The following ZC3H13 variants were observed in gnomAD, a reference collection of about 807,000 sequenced individuals.
The protein encoded by ZC3H13 is zinc finger CCCH domain-containing protein 13.
ZC3H13 carries 64 observed loss-of-function variants against 204.1 expected under a neutral mutation model. The ratio of observed to expected loss-of-function variants is 0.31; its 90% confidence interval spans 0.26 to 0.39. ZC3H13 has a LOEUF of 0.39. Ranked by LOEUF, ZC3H13 falls within the 10% of genes least tolerant of loss-of-function variation. The pLI is 1.00. For missense variants in ZC3H13, 1,833 were observed against 2,082.7 expected, an observed-to-expected ratio of 0.88 and a Z score of 2.33; for synonymous variants, 667 against 693.7, an observed-to-expected ratio of 0.96 and a Z score of 0.60.
chr13:46,050,848 A>G (rs1004855730), intron 1 of ZC3H13, among the ~76,000 whole-genome samples: 5 of 152,006 alleles, frequency 3.3e-5, no homozygotes, highest in African/African-American at 1.2e-4. Context: ...AAAACATCCC[A>G]TGCTGGTAGC....
chr13:46,043,834 TTC>T (rs1338489002), intron 3 of ZC3H13, among the ~76,000 whole-genome samples: 2 of 151,996 alleles, frequency 1.3e-5, no homozygotes, highest in Non-Finnish European at 2.9e-5. Flanking sequence ...TGAATAAAAA[TTC>T]TGAGTCAGCT....
intron 12 of ZC3H13, among the ~76,000 whole-genome samples, chr13:45,973,853 G>T (rs1396547308): frequency 2.0e-5 from 3 of 152,148 alleles, no homozygotes; most frequent in African/African-American, 4.8e-5. Flanking sequence ...GTTCAGGTAA[G>T]ATTTTTCAAA....
chr13:45,968,762 C>T lies in ZC3H13; in HGVS notation c.3782G>A (p.Arg1261Gln), dbSNP rs375011338. The T allele has an allele frequency of 1.9e-5, 30 of 1,589,664 alleles. No individual in the cohort carries two copies. Among genetic ancestry groups the T allele is most frequent in the South Asian group, 2.3e-5 (2 of 86,698 alleles). Residue 1261 changes from arginine (R) to glutamine (Q), a missense_variant, in exon 14 of 19, where the codon CGA (arginine) becomes CAA (glutamine). This residue lies in a region of ZC3H13 where 1,574 missense variants were observed against 1,757.2 expected (regional missense o/e 0.90). Coordinates refer to ENST00000679008, the MANE Select transcript of ZC3H13 (RefSeq NM_001330564.2). ...AATTTTATTACCTGAAGAAGTACTT[C>T]GACTGGGTTCTCCACGCTTTAACTG... ...IDQLKRGEPS[R>Q]STSSDRQDSR...
At position 45,968,004 on chromosome 13, in the gene ZC3H13, C is replaced by T. The variant is rs1229970203; in HGVS notation, c.3821G>A (p.Ser1274Asn). 1 of 1,601,176 alleles carries T rather than the reference C, an allele frequency of 6.2e-7. No homozygotes were observed. The highest frequency in any genetic ancestry group is 8.5e-7 in the Non-Finnish European group (1 of 1,175,780). The change falls in exon 15 of 19, where the codon AGT becomes AAT. Residue 1274 changes from serine (S) to asparagine (N), a missense_variant. Coordinates refer to ENST00000679008, the MANE Select transcript of ZC3H13 (RefSeq NM_001330564.2). ...SSDRQDSRSH[S>N]SRRSSPESDR... ...TGACTCTGGAGAACTTCTTCTTGAA[C>T]TATGGCTTCTTGAATCCTGGCGATC...
chr13:46,049,453 T>C (rs990603996), intron 1 of ZC3H13, among the ~76,000 whole-genome samples: 6 of 152,216 alleles, frequency 3.9e-5, no homozygotes, highest in Non-Finnish European at 7.3e-5. Flanking sequence ...CTTCCACAAG[T>C]AGTCAACAAT....
intron 15 of ZC3H13, 54 bp from the exon 16 acceptor site, chr13:45,965,486 C>T (rs1952006228): frequency 6.3e-7 from 1 of 1,582,854 alleles, no homozygotes; most frequent in Non-Finnish European, 8.6e-7. Context: ...GAGAGGATGA[C>T]TAAGTCAAAC....
intron 5 of ZC3H13, among the ~76,000 whole-genome samples, chr13:46,017,338 T>C (rs1417755261): frequency 5.3e-5 from 8 of 152,216 alleles, no homozygotes; most frequent in Non-Finnish European, 8.8e-5. Flanking sequence ...CCTGGTGTAC[T>C]CATTCTCCCA....
At chr13:45,974,714 C>A (rs1473679253) in intron 12 of ZC3H13, among the ~76,000 whole-genome samples, 3 of 152,130 alleles carry the variant, frequency 2.0e-5, no homozygotes, top group African/African-American at 7.2e-5. Flanking sequence ...TCCATAATTA[C>A]AAGCACATAA....
At chr13:46,035,367 T>C (rs897079802) in intron 4 of ZC3H13, among the ~76,000 whole-genome samples, 3 of 152,228 alleles carry the variant, frequency 2.0e-5, no homozygotes, top group Non-Finnish European at 4.4e-5. Flanking sequence ...ACATAATAAA[T>C]GGTTGTTTTA....
chr13:46,049,724 T>A (rs2044266795), intron 1 of ZC3H13, among the ~76,000 whole-genome samples: 1 of 152,170 alleles, frequency 6.6e-6, no homozygotes, highest in Non-Finnish European at 1.5e-5. Flanking sequence ...ACAGTTAAAA[T>A]GTAGATTTTC....
chr13:46,041,983 G>T (rs1459369057), intron 4 of ZC3H13, among the ~76,000 whole-genome samples, 181 bp downstream of exon 4: 6 of 151,974 alleles, frequency 3.9e-5, no homozygotes, highest in Non-Finnish European at 8.8e-5. Flanking sequence ...CTACCATAAA[G>T]AACTGAACCA....
chr13:45,983,401 T>TTATATATATATATATATA lies in ZC3H13; in HGVS notation c.1720+1895_1720+1896insTATATATATATATATATA, dbSNP rs1555277662. Among the ~76,000 whole-genome samples, 45 of 35,480 alleles carry TTATATATATATATATATA rather than the reference T, an allele frequency of 1.3e-3. 5 individuals are homozygous for TTATATATATATATATATA. Among genetic ancestry groups the TTATATATATATATATATA allele is most frequent in the African/African-American group, 4.8e-3 (27 of 5,598 alleles). The allele number at this position is 35,480 out of a possible 152,430, so 23.3% of individuals were successfully genotyped here. A position where few individuals can be genotyped will look rare whatever the true frequency, so the allele number is the denominator to read the frequency against. On this transcript the variant is annotated intron_variant, in intron 10 of 18. Coordinates refer to ENST00000679008, the MANE Select transcript of ZC3H13 (RefSeq NM_001330564.2). Reference sequence around the variant, plus strand: ...TGAAACAAAGCAAAGCCCCTTCTACTTATATATATATATTTTTTTTTTTTT... The same window carrying TTATATATATATATATATA: ...TGAAACAAAGCAAAGCCCCTTCTACTTATATATATATATATATATATATATATATATTTTTTTTTTTTT...
intron 8 of ZC3H13, among the ~76,000 whole-genome samples, chr13:45,999,498 T>C (rs969646314): frequency 6.6e-6 from 1 of 152,230 alleles, no homozygotes; most frequent in Admixed American, 6.5e-5. Flanking sequence ...CAACTCCTCA[T>C]CCGTTCAAGT....
chr13:45,976,469 T>C lies in ZC3H13; in HGVS notation c.1913-631A>G, dbSNP rs1231672117. 6.6e-5 allele frequency among the ~76,000 whole-genome samples: 10 copies of C among 152,242 alleles called. 1 individual carries two copies. The highest frequency in any genetic ancestry group is 5.9e-4 in the Admixed American group (9 of 15,282). ...TGAAATAAATGTAAAAAGTGTTTCA[T>C]ATTAGTGATATATATTTGTAATTAA... On this transcript the variant is annotated intron_variant, in intron 11 of 18. Coordinates refer to ENST00000679008, the MANE Select transcript of ZC3H13 (RefSeq NM_001330564.2).
chr13:46,006,127 C>T (rs1215995488), intron 7 of ZC3H13, among the ~76,000 whole-genome samples: 8 of 151,236 alleles, frequency 5.3e-5, no homozygotes, highest in African/African-American at 1.9e-4. Flanking sequence ...CCAACCAGAT[C>T]GATAAACTGG....
intron 8 of ZC3H13, among the ~76,000 whole-genome samples, chr13:45,997,756 A>G (rs1217543851): frequency 6.6e-6 from 1 of 152,156 alleles, no homozygotes; most frequent in South Asian, 2.1e-4. Context: ...GGGTAACTCA[A>G]TAGAGAGCCA....
intron 1 of ZC3H13, 93 bp from the exon 2 acceptor site, chr13:46,045,609 C>A: frequency 7.3e-6 from 6 of 822,268 alleles, no homozygotes; most frequent in East Asian, 2.5e-5. Context: ...CTATAGGTAA[C>A]AGTGTAAAAT....
Position 46,020,379 on chromosome 13 carries a change from G to A in ZC3H13, c.448+70C>T, listed in dbSNP as rs1593707274. ...AGGGATCACAGTCGAAAGGTGTTCT[G>A]AAGCCCACGAAAACTCTAGAAAGTA... is the stretch of plus-strand genomic sequence containing the variant. On this transcript the variant is annotated intron_variant, in intron 5 of 18. Coordinates refer to ENST00000679008, the MANE Select transcript of ZC3H13 (RefSeq NM_001330564.2). 7.9e-6 allele frequency: 9 copies of A among 1,143,708 alleles called. No individual in the cohort carries two copies. The East Asian group carries it at 2.2e-4, about 28-fold the overall frequency. The allele number at this position is 1,143,708 out of a possible 1,614,324, so 70.8% of individuals were successfully genotyped here.
chr13:46,046,671 A>AG (rs891415046), intron 1 of ZC3H13, among the ~76,000 whole-genome samples: 17 of 151,388 alleles, frequency 1.1e-4, no homozygotes, highest in African/African-American at 4.1e-4. Flanking sequence ...CCATCTCAAA[A>AG]AAAACAAAAA....
Sources: allele counts gnomAD v4.1 joint callset (sites outside exome capture counted in the v4.1 genomes callset), GRCh38; gene constraint gnomAD v4.1.1; regional missense constraint gnomAD v4.1.1; transcripts MANE v1.5; gene names NCBI Gene and HGNC (gene_info 2026-07-23, HGNC 2026-07-21).